The following CACNA1G variants were observed in gnomAD, a reference collection of about 807,000 sequenced individuals.
The protein encoded by CACNA1G is voltage-dependent T-type calcium channel subunit alpha-1G.
In CACNA1G, 67 loss-of-function variants were observed where a neutral mutation model predicts 219.4. The observed-to-expected ratio is 0.31, with a 90% confidence interval of 0.25 to 0.37. The LOEUF (loss-of-function observed/expected upper bound fraction) is 0.37. Ranked by LOEUF, CACNA1G falls within the 10% of genes least tolerant of loss-of-function variation. The probability of loss-of-function intolerance (pLI) is 1.00; values close to 1 mark genes in which losing one functional copy is unlikely to be tolerated. For missense variants in CACNA1G, 2,380 were observed against 3,231.4 expected (o/e 0.74, Z 6.39); for synonymous variants, 1,296 against 1,345.3 (o/e 0.96, Z 0.80).
rs932663234 is a variant in CACNA1G, at chr17:50,603,917, C to T, written c.4170-238C>T. 1.3e-5 allele frequency among the ~76,000 whole-genome samples: 2 copies of T among 152,150 alleles called. No homozygotes were observed. Among genetic ancestry groups the T allele is most frequent in the African/African-American group, 4.8e-5 (2 of 41,406 alleles). On this transcript the variant is annotated intron_variant, in intron 21 of 37. Coordinates refer to ENST00000359106, the MANE Select transcript of CACNA1G (RefSeq NM_018896.5). This position sits in a 1 kb window ranked among gnomAD's most constrained non-coding sequence, Gnocchi z 6.4. ...CCACTCCCAACCCAAACAGGTCGTA[C>T]ATTTGACATCCTGGGATGGAGGTGG...
Position 50,618,927 on chromosome 17 carries a change from C to G in CACNA1G, c.5700C>G (p.Ser1900Arg). 6.2e-7 allele frequency: 1 copy of G among 1,602,922 alleles called. No homozygotes were observed. The highest frequency in any genetic ancestry group is 8.5e-7 in the Non-Finnish European group (1 of 1,173,588). ...FLWPGVEGPD[S>R]PDSPKPGALH... ...GGCCTGGGGTCGAGGGCCCCGACAG[C>G]CCCGACAGCCCCAAGCCTGGGGCTC... Residue 1900 changes from serine (S) to arginine (R), a missense_variant, in exon 33 of 38, where the codon AGC (serine) becomes AGG (arginine). By Grantham distance (110) the Ser-to-Arg change is moderately radical. Transcript: ENST00000359106. This position sits in a 1 kb window ranked among gnomAD's most constrained non-coding sequence, Gnocchi z 5.3.
At chr17:50,607,621 G>T (rs941131098) in intron 24 of CACNA1G, 5 of 554,412 alleles carry the variant, frequency 9.0e-6, no homozygotes, top group Non-Finnish European at 1.3e-5. Context: ...GAACAAAGAG[G>T]CAGTTTTGGA....
intron 23 of CACNA1G, chr17:50,606,621 C>G: frequency 1.8e-6 from 1 of 550,298 alleles, no homozygotes; most frequent in Non-Finnish European, 3.3e-6. Flanking sequence ...CCCAGACCCA[C>G]TCTGGTTTTG....
At chr17:50,601,417 C>A (rs979630603) in intron 19 of CACNA1G, among the ~76,000 whole-genome samples, 2 of 152,188 alleles carry the variant, frequency 1.3e-5, no homozygotes, top group Admixed American at 6.5e-5. Context: ...TCATTCCAGG[C>A]TATTTCTCAT....
intron 9 of CACNA1G, among the ~76,000 whole-genome samples, chr17:50,583,584 G>A (rs981847832): frequency 4.0e-5 from 6 of 151,556 alleles, no homozygotes; most frequent in Non-Finnish European, 7.4e-5. Flanking sequence ...GCTCTCCTTC[G>A]GAAGGGCTTC....
At chr17:50,567,336 A>T (rs2038173502) in intron 1 of CACNA1G, among the ~76,000 whole-genome samples, 1 of 152,146 alleles carries the variant, frequency 6.6e-6, no homozygotes, top group South Asian at 2.1e-4. Flanking sequence ...GCGAGCAGGC[A>T]TGTGAGTCTA....
chr17:50,581,483 C>T (rs2041952662), intron 9 of CACNA1G, among the ~76,000 whole-genome samples: 1 of 152,108 alleles, frequency 6.6e-6, no homozygotes, highest in Admixed American at 6.5e-5. Flanking sequence ...CGCTGCCCTC[C>T]CCAGGCCCTG....
At position 50,624,644 on chromosome 17, in the gene CACNA1G, G is replaced by A. The variant is rs181824702; in HGVS notation, c.6399+115G>A. 2.7e-6 allele frequency: 3 copies of A among 1,093,738 alleles called. No homozygotes were observed. In the East Asian group the frequency reaches 7.8e-5, roughly 28 times the overall value. 67.8% of individuals were successfully genotyped at this position (1,093,738 alleles called of 1,614,324 possible). A position where few individuals can be genotyped will look rare whatever the true frequency, so the allele number is the denominator to read the frequency against. On this transcript the variant is annotated intron_variant, in intron 37 of 37. Transcript: ENST00000359106. ...CAAATATTTATTGTGTGCCAGTGATGTGCCAGGCTCAGTTGCAGATACCAG... is the reference window on the plus strand; with the variant it reads ...CAAATATTTATTGTGTGCCAGTGATATGCCAGGCTCAGTTGCAGATACCAG...
intron 9 of CACNA1G, among the ~76,000 whole-genome samples, chr17:50,583,448 TG>T (rs2042358665): frequency 6.6e-6 from 1 of 152,136 alleles, no homozygotes. Context: ...ATCAGGGGGT[TG>T]GGGGCTGAGC....
At chr17:50,607,723 C>A in intron 24 of CACNA1G, 104 bp from the exon 25 acceptor site, 1 of 891,764 alleles carries the variant, frequency 1.1e-6, no homozygotes, top group Non-Finnish European at 1.9e-6. Flanking sequence ...GCCTGTCAGG[C>A]GGCTGTAGCT....
At chr17:50,625,469 C>T (rs1322132365) in intron 37 of CACNA1G, among the ~76,000 whole-genome samples, 4 of 152,238 alleles carry the variant, frequency 2.6e-5, no homozygotes, top group Non-Finnish European at 4.4e-5. Flanking sequence ...ACATGCCTGC[C>T]ATCAGATCAT....
chr17:50,601,293 G>A, intron 19 of CACNA1G, 119 bp downstream of exon 19: 7 of 1,250,030 alleles, frequency 5.6e-6, no homozygotes, highest in South Asian at 2.9e-5. Context: ...GAACGAGGGG[G>A]CCAGGACTCT....
intron 34 of CACNA1G, among the ~76,000 whole-genome samples, chr17:50,620,078 G>A (rs2051443666): frequency 6.6e-6 from 1 of 152,112 alleles, no homozygotes. Flanking sequence ...GGAGGAGCTT[G>A]GGGAGGGGAG....
intron 25 of CACNA1G, among the ~76,000 whole-genome samples, chr17:50,609,260 C>T (rs1402183074): frequency 1.3e-5 from 2 of 152,098 alleles, no homozygotes; most frequent in Non-Finnish European, 2.9e-5. Flanking sequence ...CCTGTGTTCC[C>T]TGTGAAGAGC....
intron 14 of CACNA1G, among the ~76,000 whole-genome samples, chr17:50,595,944 T>C (rs1320861485): frequency 6.6e-6 from 1 of 152,218 alleles, no homozygotes; most frequent in Admixed American, 6.5e-5. Context: ...CTGGGGAACC[T>C]ACTGACCTGC....
Position 50,571,438 on chromosome 17 carries a change from G to A in CACNA1G, c.587-440G>A, listed in dbSNP as rs1401151428. On this transcript the variant is annotated intron_variant, in intron 4 of 37. Coordinates refer to ENST00000359106, the MANE Select transcript of CACNA1G (RefSeq NM_018896.5). This position sits in a 1 kb window ranked among gnomAD's most constrained non-coding sequence, Gnocchi z 4.3. ...AGGGAGTGTGCGTGTGAATGTGTGC[G>A]GGTGTGGGTGTGTGTTGGAGAGGGA... Among the ~76,000 whole-genome samples the A allele has an allele frequency of 5.9e-5, 9 of 152,172 alleles. No individual in the cohort carries two copies. The highest frequency in any genetic ancestry group is 2.2e-4 in the African/African-American group (9 of 41,432).
rs754419744 is a variant in CACNA1G, at chr17:50,590,868, C to A, written c.2453+246C>A. On this transcript the variant is annotated intron_variant, in intron 10 of 37. Coordinates refer to ENST00000359106, the MANE Select transcript of CACNA1G (RefSeq NM_018896.5). The stretch of plus-strand genomic sequence containing the variant: ...TCACCTCTTCATTGCCCAGGCCCCT[C>A]TTTAGTCTCCTCTCTCCACTTCTAC... Among the ~76,000 whole-genome samples, 15 of 152,178 alleles carry A rather than the reference C, an allele frequency of 9.9e-5. No individual in the cohort carries two copies. In the South Asian group the frequency reaches 1.0e-3, roughly 11 times the overall value.
At chr17:50,607,142 A>C in intron 24 of CACNA1G, 153 bp downstream of exon 24, 2 of 703,766 alleles carry the variant, frequency 2.8e-6, no homozygotes, top group South Asian at 1.5e-5. Flanking sequence ...TGTGGGCCAA[A>C]TCTGGGCATG....
chr17:50,611,736 C>T (rs966706986), intron 26 of CACNA1G, among the ~76,000 whole-genome samples: 2 of 152,204 alleles, frequency 1.3e-5, no homozygotes, highest in African/African-American at 4.8e-5. Context: ...ACACTCACCC[C>T]AAAACATCCT....
Sources: allele counts gnomAD v4.1 joint callset (sites outside exome capture counted in the v4.1 genomes callset), GRCh38; gene constraint gnomAD v4.1.1; non-coding constraint Gnocchi (gnomAD v3.1); transcripts MANE v1.5; gene names NCBI Gene and HGNC (gene_info 2026-07-23, HGNC 2026-07-21).